Variants in STK31 observed in about 807,000 individuals in gnomAD.
STK31 encodes the protein serine/threonine kinase 31.
STK31 carries 89 observed loss-of-function variants against 129.7 expected under a neutral mutation model. That is an observed-to-expected ratio of 0.69 (90% CI 0.58 to 0.82). STK31 has a LOEUF of 0.82. Among genes scored for constraint, STK31 ranks in the 40% least tolerant of loss-of-function variants. The pLI, the probability that STK31 is intolerant of heterozygous loss-of-function variation, is 0.00. For missense variants in STK31, 1,187 were observed against 1,176.4 expected, an observed-to-expected ratio of 1.01 and a Z score of -0.13; for synonymous variants, 448 against 395.3, an observed-to-expected ratio of 1.13 and a Z score of -1.58.
intron 16 of STK31, among the ~76,000 whole-genome samples, chr7:23,783,246 G>T (rs2128109512): frequency 6.6e-6 from 1 of 152,332 alleles, no homozygotes; most frequent in East Asian, 1.9e-4. Flanking sequence ...AAGTATGGCG[G>T]CTGGGATTGG....
chr7:23,801,921 G>A (rs1220040896), intron 22 of STK31, among the ~76,000 whole-genome samples: 1 of 152,132 alleles, frequency 6.6e-6, no homozygotes, highest in Non-Finnish European at 1.5e-5. Flanking sequence ...ACATCATACT[G>A]TCTTGGTTAC....
At chr7:23,745,585 G>A (rs777068976) in intron 8 of STK31, among the ~76,000 whole-genome samples, 15 of 152,324 alleles carry the variant, frequency 9.8e-5, no homozygotes, top group Non-Finnish European at 2.1e-4. Flanking sequence ...TTGCTGCTTA[G>A]GGCAGCGGGG....
chr7:23,790,804 G>A lies in STK31; in HGVS notation c.2638-20G>A. On this transcript the variant is annotated intron_variant, in intron 21 of 23. Transcript: ENST00000355870. ...CTCAACTGTGTTGTATCTGAAATAT[G>A]TAAAATATTGTTTTTGCAGAGTCAG... The A allele has an allele frequency of 6.4e-7, 1 of 1,574,642 alleles. No individual in the cohort carries two copies. Among genetic ancestry groups the A allele is most frequent in the African/African-American group, 1.4e-5 (1 of 73,430 alleles).
At chr7:23,819,279 A>G (rs747861510) in intron 23 of STK31, among the ~76,000 whole-genome samples, 2 of 152,238 alleles carry the variant, frequency 1.3e-5, no homozygotes, top group South Asian at 2.1e-4. Context: ...TCATTCATTT[A>G]TCAAATATTT....
chr7:23,795,900 G>A (rs1230769968), intron 22 of STK31, among the ~76,000 whole-genome samples: 1 of 152,258 alleles, frequency 6.6e-6, no homozygotes, highest in Non-Finnish European at 1.5e-5. Context: ...TATCAAGGAA[G>A]TAACTAACTT....
chr7:23,785,327 G>A (rs1791202450), intron 17 of STK31, 151 bp from the exon 18 acceptor site: 6 of 1,049,630 alleles, frequency 5.7e-6, no homozygotes, highest in South Asian at 3.8e-5. Flanking sequence ...ACTGGAGAAA[G>A]TACACAGTTT....
chr7:23,712,927 A>G (rs183140657), intron 3 of STK31, among the ~76,000 whole-genome samples: 9 of 152,182 alleles, frequency 5.9e-5, no homozygotes, highest in African/African-American at 2.2e-4. Flanking sequence ...ACGTTTCTCT[A>G]TACTCCCTAC....
chr7:23,807,053 T>A (rs1792758967), intron 22 of STK31, among the ~76,000 whole-genome samples: 1 of 152,308 alleles, frequency 6.6e-6, no homozygotes, highest in Non-Finnish European at 1.5e-5. Flanking sequence ...TCCTGTCTTA[T>A]CAGATCCAAA....
At chr7:23,814,707 TTTAA>T (rs1250915199) in intron 22 of STK31, among the ~76,000 whole-genome samples, 2 of 152,088 alleles carry the variant, frequency 1.3e-5, no homozygotes, top group East Asian at 1.9e-4. Flanking sequence ...TTAAATTAAA[TTTAA>T]TTAATTTATT....
At chr7:23,814,990 G>C (rs2390813) in intron 22 of STK31, among the ~76,000 whole-genome samples, 154 bp from the exon 23 acceptor site, 95,243 of 151,896 alleles carry the variant, frequency 0.63, 30,720 homozygotes, top group African/African-American at 0.78. Context: ...CTTGTAATTA[G>C]AATGAAAGTG....
intron 4 of STK31, among the ~76,000 whole-genome samples, chr7:23,720,361 C>T (rs781673601): frequency 1.3e-5 from 2 of 152,096 alleles, no homozygotes; most frequent in East Asian, 1.9e-4. Context: ...TTGGAAGTTC[C>T]GTTTGCTAAA....
intron 22 of STK31, among the ~76,000 whole-genome samples, chr7:23,814,035 C>A (rs1793313176): frequency 1.3e-5 from 2 of 151,892 alleles, no homozygotes; most frequent in South Asian, 4.2e-4. Context: ...TTTCTTCTGG[C>A]CTCACATGGT....
intron 23 of STK31, among the ~76,000 whole-genome samples, chr7:23,826,704 T>C: frequency 6.6e-6 from 1 of 152,254 alleles, no homozygotes; most frequent in Non-Finnish European, 1.5e-5. Flanking sequence ...TGATGGTCTT[T>C]ACAATTTGGC....
chr7:23,762,777 G>A (rs1562581394), intron 10 of STK31, 24 bp from the exon 11 acceptor site: 5 of 1,605,998 alleles, frequency 3.1e-6, no homozygotes, highest in Non-Finnish European at 4.2e-6. Context: ...ATTAATGATG[G>A]TTATTCTTTT....
intron 8 of STK31, among the ~76,000 whole-genome samples, chr7:23,738,695 A>G (rs1278519121): frequency 2.0e-5 from 3 of 151,984 alleles, no homozygotes; most frequent in Non-Finnish European, 4.4e-5. Context: ...AGCTGGCATT[A>G]CAGGCACCCG....
chr7:23,790,460 G>A lies in STK31; in HGVS notation c.2638-364G>A, dbSNP rs181111315. Among the ~76,000 whole-genome samples, 91 of 152,252 alleles carry A rather than the reference G, an allele frequency of 6.0e-4. 1 individual carries two copies. Among genetic ancestry groups the A allele is most frequent in the Non-Finnish European group, 8.1e-4 (55 of 67,992 alleles). Reference sequence around the variant, plus strand: ...GATCAGTAAGGAAGGAAAGTGCTTTGTAGGATTTCAGTTCTTAAATGAATT... The same window carrying A: ...GATCAGTAAGGAAGGAAAGTGCTTTATAGGATTTCAGTTCTTAAATGAATT... On this transcript the variant is annotated intron_variant, in intron 21 of 23. Transcript: ENST00000355870.
chr7:23,722,526 C>CG (rs1466036504), intron 4 of STK31: 2 of 152,584 alleles, frequency 1.3e-5, no homozygotes, highest in Admixed American at 1.3e-4. Flanking sequence ...TTAGGCTACT[C>CG]GGGGGTCAGG....
chr7:23,745,598 A>G (rs529861420), intron 8 of STK31, among the ~76,000 whole-genome samples: 1 of 152,322 alleles, frequency 6.6e-6, no homozygotes, highest in East Asian at 1.9e-4. Flanking sequence ...CAGCGGGGTC[A>G]CTGTAAATGG....
chr7:23,773,536 A>G (rs1463098268), intron 15 of STK31, among the ~76,000 whole-genome samples: 1 of 152,204 alleles, frequency 6.6e-6, no homozygotes, highest in Non-Finnish European at 1.5e-5. Flanking sequence ...AGAATGATTT[A>G]TAATCCTTTG....
Sources: gnomAD v4.1 joint callset for allele counts (sites outside exome capture counted in the v4.1 genomes callset) on GRCh38, gnomAD v4.1.1 for gene constraint, MANE v1.5 for transcripts, NCBI Gene and HGNC (gene_info 2026-07-23, HGNC 2026-07-21) for gene names.